SLC17A1: variants seen among roughly 807,000 people sequenced by gnomAD.
SLC17A1 encodes sodium-dependent phosphate transport protein 1.
In SLC17A1, 51 loss-of-function variants were observed where a neutral mutation model predicts 53.5. The ratio of observed to expected loss-of-function variants is 0.95; its 90% CI spans 0.76 to 1.20. The LOEUF is 1.20. Among genes scored for constraint, SLC17A1 ranks in the 50% most tolerant of loss-of-function variants. The pLI, the probability that SLC17A1 is intolerant of heterozygous loss-of-function variation, is 0.00. For synonymous variants in SLC17A1, 179 were observed against 198.8 expected, an observed-to-expected ratio of 0.90 and a Z score of 0.84; for missense variants, 538 against 568.2, an observed-to-expected ratio of 0.95 and a Z score of 0.54.
At chr6:25,789,549 T>G (rs1439112352) in intron 12 of SLC17A1, among the ~76,000 whole-genome samples, 1 of 152,126 alleles carries the variant, frequency 6.6e-6, no homozygotes, top group Non-Finnish European at 1.5e-5. Context: ...CTTAATCAAA[T>G]GAAGAGCCAG....
chr6:25,745,633 G>T, the SLC17A1 span, among the ~76,000 whole-genome samples: 1 of 152,180 alleles, frequency 6.6e-6, no homozygotes, highest in South Asian at 2.1e-4. Flanking sequence ...CAGTCTTTGT[G>T]TTACAGACTT....
the SLC17A1 span, chr6:25,768,959 G>C: frequency 6.2e-7 from 1 of 1,608,180 alleles, no homozygotes; most frequent in Non-Finnish European, 8.5e-7. Flanking sequence ...TTCTGATTGT[G>C]ATTTTTCATG....
chr6:25,737,055 C>T, the SLC17A1 span, among the ~76,000 whole-genome samples: 2 of 152,270 alleles, frequency 1.3e-5, no homozygotes, highest in South Asian at 4.2e-4. Flanking sequence ...TATAATAGCC[C>T]TTCTCAATAA....
At chr6:25,784,072 T>C (rs1458135585) in intron 12 of SLC17A1, among the ~76,000 whole-genome samples, 1 of 152,108 alleles carries the variant, frequency 6.6e-6, no homozygotes, top group Non-Finnish European at 1.5e-5. Context: ...GTATTGAAAA[T>C]TTTTTCTTCC....
chr6:25,773,745 T>G, the SLC17A1 span: 1 of 1,520,472 alleles, frequency 6.6e-7, no homozygotes, highest in Non-Finnish European at 8.9e-7. Context: ...TATATAATCC[T>G]CTGTCTGTCC....
At chr6:25,726,857 C>G in the SLC17A1 span, 13 of 1,557,256 alleles carry the variant, frequency 8.3e-6, no homozygotes, top group East Asian at 1.1e-4. Flanking sequence ...CTGGAAAGTG[C>G]TGTGTAACCC....
Position 25,788,677 on chromosome 6 carries a change from G to A in SLC17A1, c.*3-5459C>T, listed in dbSNP as rs916239692. 5.7e-4 allele frequency among the ~76,000 whole-genome samples: 35 copies of A among 61,284 alleles called. 1 individual carries two copies. In the Admixed American group the frequency reaches 6.2e-3, roughly 11 times the overall value. The allele number at this position is 61,284 out of a possible 152,430, so 40.2% of individuals were successfully genotyped here. A position where few individuals can be genotyped will look rare whatever the true frequency, so the allele number is the denominator to read the frequency against. On this transcript the variant is annotated intron_variant, in intron 12 of 12. Coordinates refer to ENST00000244527, the MANE Select transcript of SLC17A1 (RefSeq NM_005074.5). ...GTGTCCAAGAGATGAGGAAGGTCCA[G>A]GAGGTGTGGCCTGTGTCAGGGAATC... is the stretch of plus-strand genomic sequence containing the variant.
chr6:25,734,472 C>T, the SLC17A1 span, among the ~76,000 whole-genome samples: 1 of 152,140 alleles, frequency 6.6e-6, no homozygotes, highest in Non-Finnish European at 1.5e-5. Flanking sequence ...AAGGATAAAT[C>T]TACAGCTAAC....
chr6:25,738,200 C>T, the SLC17A1 span, among the ~76,000 whole-genome samples: 1 of 152,060 alleles, frequency 6.6e-6, no homozygotes, highest in African/African-American at 2.4e-5. Context: ...ATATAGTAAT[C>T]AACACTGTGT....
rs1308796195 is a variant in SLC17A1 at position 25,819,864 on chromosome 6, T to C, written c.259A>G (p.Thr87Ala). The change falls in exon 4 of 13, where the codon ACC becomes GCC. Residue 87 changes from threonine (T) to alanine (A), a missense_variant. Physicochemically the swap from Thr to Ala is moderately conservative, Grantham distance 58 (BLOSUM62 0). Transcript: ENST00000244527. ...PDIQGIILSS[T>A]SYGVIIIQVP... ...TGGATGATGATGACACCATAGGAGG[T>C]GGAACTCAAGATGATTCCCTGGATA... The C allele has an allele frequency of 1.2e-6, 2 of 1,613,770 alleles. No homozygotes were observed. Among genetic ancestry groups the C allele is most frequent in the Non-Finnish European group, 1.7e-6 (2 of 1,179,862 alleles).
chr6:25,756,348 T>A, the SLC17A1 span, among the ~76,000 whole-genome samples: 7 of 152,158 alleles, frequency 4.6e-5, no homozygotes, highest in African/African-American at 1.7e-4. Context: ...AGTGTTCCCG[T>A]TTCAGCTCAA....
the SLC17A1 span, among the ~76,000 whole-genome samples, chr6:25,759,697 C>A: frequency 6.6e-6 from 1 of 152,104 alleles, no homozygotes; most frequent in Non-Finnish European, 1.5e-5. Flanking sequence ...GCTACTCCTG[C>A]TCGCTTTTGG....
downstream of SLC17A1, among the ~76,000 whole-genome samples, chr6:25,778,458 G>C (rs564793832): frequency 6.6e-6 from 1 of 152,078 alleles, no homozygotes; most frequent in Non-Finnish European, 1.5e-5. Context: ...CTAGCATACT[G>C]TCAGGAAATG....
intron 11 of SLC17A1, 140 bp downstream of exon 11, chr6:25,800,750 T>A: frequency 1.7e-6 from 1 of 601,512 alleles, no homozygotes; most frequent in South Asian, 2.2e-5. Flanking sequence ...GATGCCTGAT[T>A]TGACCAAATT....
the SLC17A1 span, chr6:25,770,280 A>G: frequency 3.7e-6 from 6 of 1,614,090 alleles, no homozygotes; most frequent in Non-Finnish European, 5.1e-6. Flanking sequence ...TGTCCTCCGG[A>G]TTGTACAAGG....
At chr6:25,826,808 A>G (rs1357022167) in intron 2 of SLC17A1, among the ~76,000 whole-genome samples, 175 bp from the exon 3 acceptor site, 2 of 152,152 alleles carry the variant, frequency 1.3e-5, no homozygotes, top group Non-Finnish European at 2.9e-5. Flanking sequence ...TGATATAATA[A>G]TACCATATTC....
chr6:25,762,018 A>G, the SLC17A1 span: 2 of 1,613,482 alleles, frequency 1.2e-6, no homozygotes, highest in Non-Finnish European at 8.5e-7. Context: ...AGTGATGGCA[A>G]TTTAAACGTG....
intron 12 of SLC17A1, among the ~76,000 whole-genome samples, chr6:25,796,119 T>C (rs1361060043): frequency 6.6e-6 from 1 of 152,194 alleles, no homozygotes. Context: ...CCTTCGCTAA[T>C]GTCTATGGGA....
the SLC17A1 span, chr6:25,732,217 G>A: frequency 2.0e-5 from 7 of 342,434 alleles, no homozygotes; most frequent in Non-Finnish European, 1.6e-5. Context: ...CTGGAGTGAA[G>A]CGTGATATTT....
Sources: allele counts gnomAD v4.1 joint callset (sites outside exome capture counted in the v4.1 genomes callset), GRCh38; gene constraint gnomAD v4.1.1; transcripts MANE v1.5; gene names NCBI Gene and HGNC (gene_info 2026-07-23, HGNC 2026-07-21).